The following NKD1 variants were observed in gnomAD, a reference collection of about 807,000 sequenced individuals.
The protein encoded by NKD1 is protein naked cuticle homolog 1.
Under a neutral mutation model 56.0 loss-of-function variants are expected in NKD1, and 21 were observed. The observed-to-expected ratio is 0.38, with a 90% confidence interval of 0.27 to 0.54. The LOEUF (loss-of-function observed/expected upper bound fraction) is 0.54, where lower values mean the gene tolerates loss of function less well. NKD1 is among the 20% of genes least tolerant of loss of function. The pLI, the probability that NKD1 is intolerant of heterozygous loss-of-function variation, is 0.82. For missense variants in NKD1, 578 were observed against 642.7 expected (o/e 0.90, Z 1.09); for synonymous variants, 263 against 265.7 (o/e 0.99, Z 0.10).
chr16:50,630,368 T>C (rs1162161772), intron 7 of NKD1, 35 bp downstream of exon 7: 2 of 1,609,346 alleles, frequency 1.2e-6, no homozygotes, highest in Non-Finnish European at 1.7e-6. Flanking sequence ...GGAAACAATG[T>C]CCTCCCATCT....
intron 2 of NKD1, 156 bp downstream of exon 2, chr16:50,548,905 C>A: frequency 4.7e-6 from 4 of 845,518 alleles, no homozygotes; most frequent in Non-Finnish European, 5.7e-6. Flanking sequence ...GCAGCCTTCG[C>A]GCCCCCTCCT....
At chr16:50,629,070 A>G (rs530479967) in intron 6 of NKD1, among the ~76,000 whole-genome samples, 2 of 151,106 alleles carry the variant, frequency 1.3e-5, no homozygotes, top group East Asian at 2.0e-4. Flanking sequence ...GGCTCAAATG[A>G]TCCTCCCACC....
At position 50,608,352 on chromosome 16, in the gene NKD1, G is replaced by C; in HGVS notation, c.251G>C (p.Arg84Pro). 6.2e-7 allele frequency: 1 copy of C among 1,611,880 alleles called. No individual in the cohort carries two copies. The highest frequency in any genetic ancestry group is 8.5e-7 in the Non-Finnish European group (1 of 1,178,578). ...TLSEEEEDDFRLEVALPPEKT... is the reference protein window; with the variant it reads ...TLSEEEEDDFPLEVALPPEKT... ...AGCGAGGAAGAGGAGGACGACTTTC[G>C]GCTGGAAGGTATTCGGAGTCCATTG... is the stretch of plus-strand genomic sequence containing the variant. The change falls in exon 4 of 10, where the codon CGG becomes CCG. Residue 84 changes from arginine (R) to proline (P), a missense_variant. Arg to Pro is a moderately radical substitution (Grantham distance 103, BLOSUM62 -2). Coordinates refer to ENST00000268459, the MANE Select transcript of NKD1 (RefSeq NM_033119.5).
intron 3 of NKD1, among the ~76,000 whole-genome samples, chr16:50,588,597 G>GC (rs1233793384): frequency 1.6e-5 from 2 of 127,584 alleles, no homozygotes; most frequent in African/African-American, 5.9e-5. Flanking sequence ...CTTTTCTTCT[G>GC]CTTTTTTTTT....
At chr16:50,628,104 C>G (rs1342049278) in intron 6 of NKD1, among the ~76,000 whole-genome samples, 2 of 152,134 alleles carry the variant, frequency 1.3e-5, no homozygotes, top group African/African-American at 4.8e-5. Context: ...GCCTGGGTCT[C>G]AAACTTATGG....
At chr16:50,558,623 C>T (rs1012893882) in intron 3 of NKD1, 7 of 146,124 alleles carry the variant, frequency 4.8e-5, no homozygotes, top group Admixed American at 7.0e-5. Flanking sequence ...GATGGGAGGC[C>T]GAGGTTGGTG....
chr16:50,554,764 G>A (rs1288434923), intron 3 of NKD1, among the ~76,000 whole-genome samples: 1 of 152,092 alleles, frequency 6.6e-6, no homozygotes, highest in Non-Finnish European at 1.5e-5. Flanking sequence ...GACTATAGGT[G>A]CACGCCACTG....
rs8051015 is a variant in NKD1 at position 50,602,752 on chromosome 16, G to T, written c.193-5542G>T. 6.2e-4 allele frequency among the ~76,000 whole-genome samples: 94 copies of T among 152,356 alleles called. 1 individual carries two copies. Among genetic ancestry groups the T allele is most frequent in the African/African-American group, 2.2e-3 (91 of 41,574 alleles). On this transcript the variant is annotated intron_variant, in intron 3 of 9. Coordinates refer to ENST00000268459, the MANE Select transcript of NKD1 (RefSeq NM_033119.5). ...GCACAGTCTGCGTGTCTTCCTGTGA[G>T]GGCTCCTTTGCCTGTCCTGTGGTCT... is the stretch of plus-strand genomic sequence containing the variant.
At chr16:50,569,941 G>A (rs1455866483) in intron 3 of NKD1, among the ~76,000 whole-genome samples, 1 of 152,178 alleles carries the variant, frequency 6.6e-6, no homozygotes, top group Non-Finnish European at 1.5e-5. Context: ...AGTGGTTGGA[G>A]CCGGGCGGGC....
chr16:50,633,760 C>T lies in NKD1; in HGVS notation c.1392C>T (p.Tyr464=), dbSNP rs772106661. 16 of 1,508,572 alleles carry T rather than the reference C, an allele frequency of 1.1e-5. No homozygotes were observed. Among genetic ancestry groups the T allele is most frequent in the Admixed American group, 6.2e-5 (3 of 48,026 alleles). The allele number at this position is 1,508,572 out of a possible 1,614,324, so 93.4% of individuals were successfully genotyped here. The change falls in exon 10 of 10, where the codon TAC becomes TAT. Residue 464 remains tyrosine, a synonymous_variant. Coordinates refer to ENST00000268459, the MANE Select transcript of NKD1 (RefSeq NM_033119.5). This position sits in a 1 kb window ranked among gnomAD's most constrained non-coding sequence, Gnocchi z 4.9. ...ACCACCATGAACATCACCACCATTA[C>T]CACCACTTCTACCAGACATAGAGCC... is the stretch of plus-strand genomic sequence containing the variant. ...HHHHHEHHHH[Y]HHFYQT
chr16:50,587,658 A>T (rs1340762616), intron 3 of NKD1, among the ~76,000 whole-genome samples: 1 of 152,212 alleles, frequency 6.6e-6, no homozygotes, highest in African/African-American at 2.4e-5. Flanking sequence ...CATGGACCTA[A>T]GTCCAGAGTT....
At chr16:50,582,768 G>A (rs1425836232) in intron 3 of NKD1, among the ~76,000 whole-genome samples, 17 of 152,222 alleles carry the variant, frequency 1.1e-4, no homozygotes, top group Non-Finnish European at 2.5e-4. Context: ...TAGCACTTTG[G>A]GAGGCCGAGG....
At chr16:50,601,159 G>A (rs992326666) in intron 3 of NKD1, among the ~76,000 whole-genome samples, 1 of 152,246 alleles carries the variant, frequency 6.6e-6, no homozygotes. Context: ...GAGTCTGCGG[G>A]TGAAGCTCCT....
chr16:50,548,697 G>T lies in NKD1; in HGVS notation c.26-20G>T. 2 of 1,463,542 alleles carry T rather than the reference G, an allele frequency of 1.4e-6. No homozygotes were observed. Among genetic ancestry groups the T allele is most frequent in the Non-Finnish European group, 1.8e-6 (2 of 1,115,784 alleles). 90.7% of individuals were successfully genotyped at this position (1,463,542 alleles called of 1,614,324 possible). ...CGCCGCGGCTGCCGCCGCCGCCGCC[G>T]CCTCGCGATGTGCCTGCAGCCGCCG... On this transcript the variant is annotated intron_variant, in intron 1 of 9. Coordinates refer to ENST00000268459, the MANE Select transcript of NKD1 (RefSeq NM_033119.5).
At chr16:50,568,636 G>T (rs1373589178) in intron 3 of NKD1, among the ~76,000 whole-genome samples, 1 of 152,154 alleles carries the variant, frequency 6.6e-6, no homozygotes, top group Non-Finnish European at 1.5e-5. Flanking sequence ...GCCTTTGAGT[G>T]CAGTGGGCCG....
chr16:50,595,471 G>A (rs568302928), intron 3 of NKD1, among the ~76,000 whole-genome samples: 2 of 152,238 alleles, frequency 1.3e-5, no homozygotes, highest in East Asian at 3.9e-4. Flanking sequence ...GGTGGTCCTG[G>A]TGGAAATGTG....
intron 3 of NKD1, among the ~76,000 whole-genome samples, chr16:50,554,315 C>T (rs907597625): frequency 2.0e-5 from 3 of 152,090 alleles, no homozygotes; most frequent in Admixed American, 6.5e-5. Context: ...ATGGATGGAT[C>T]GATGGACAGT....
chr16:50,628,924 T>G (rs930105916), intron 6 of NKD1, among the ~76,000 whole-genome samples: 3 of 151,436 alleles, frequency 2.0e-5, no homozygotes, highest in Non-Finnish European at 4.4e-5. Flanking sequence ...TGTGCCCTCA[T>G]GTGGTGGAGA....
intron 3 of NKD1, chr16:50,556,773 T>G (rs1414596544): frequency 1.3e-5 from 2 of 150,060 alleles, no homozygotes; most frequent in East Asian, 3.9e-4. Context: ...AGGGACTCAC[T>G]GTGTTGCCCA....
Sources: allele counts gnomAD v4.1 joint callset (sites outside exome capture counted in the v4.1 genomes callset), GRCh38; gene constraint gnomAD v4.1.1; non-coding constraint Gnocchi (gnomAD v3.1); transcripts MANE v1.5; gene names NCBI Gene and HGNC (gene_info 2026-07-23, HGNC 2026-07-21).